The following PDE3A variants were observed in gnomAD, a reference collection of about 807,000 sequenced individuals.
PDE3A encodes phosphodiesterase 3A.
PDE3A carries 43 observed loss-of-function variants against 98.3 expected under a neutral mutation model. The observed-to-expected ratio is 0.44, with a 90% confidence interval of 0.34 to 0.56. The LOEUF (loss-of-function observed/expected upper bound fraction) is 0.56, where lower values mean the gene tolerates loss of function less well. PDE3A is among the 20% of genes least tolerant of loss of function. The pLI, the probability that PDE3A is intolerant of heterozygous loss-of-function variation, is 0.01. For synonymous variants in PDE3A, 663 were observed against 567.9 expected, an observed-to-expected ratio of 1.17 and a Z score of -2.38; for missense variants, 1,427 against 1,440.7, an observed-to-expected ratio of 0.99 and a Z score of 0.15.
intron 1 of PDE3A, among the ~76,000 whole-genome samples, chr12:20,487,399 C>T (rs996341110): frequency 2.0e-5 from 3 of 148,546 alleles, no homozygotes; most frequent in African/African-American, 7.5e-5. Flanking sequence ...CACGGTGGCT[C>T]ATGCCTGTAA....
At chr12:20,613,790 C>G (rs1943930926) in intron 3 of PDE3A, 90 bp downstream of exon 3, 2 of 950,224 alleles carry the variant, frequency 2.1e-6, no homozygotes, top group African/African-American at 1.6e-5. Flanking sequence ...ACTCCATCTG[C>G]AGATTCATAT....
intron 1 of PDE3A, among the ~76,000 whole-genome samples, chr12:20,386,159 A>G: frequency 1.0e-5 from 1 of 100,238 alleles, no homozygotes; most frequent in African/African-American, 3.9e-5. Context: ...ATATAAATAT[A>G]TATAAATATA....
intron 1 of PDE3A, among the ~76,000 whole-genome samples, chr12:20,372,774 T>C (rs891697685): frequency 3.9e-5 from 6 of 152,162 alleles, no homozygotes; most frequent in African/African-American, 1.4e-4. Context: ...ACAATACTCA[T>C]AGGCAACAAG....
chr12:20,667,384 T>G (rs1225776778), intron 15 of PDE3A, among the ~76,000 whole-genome samples: 1 of 152,218 alleles, frequency 6.6e-6, no homozygotes, highest in South Asian at 2.1e-4. Flanking sequence ...CCTTATGTTG[T>G]CTTCTAACAG....
intron 1 of PDE3A, chr12:20,551,661 C>G: frequency 6.2e-7 from 1 of 1,601,260 alleles, no homozygotes; most frequent in Non-Finnish European, 8.5e-7. Context: ...ACATCTACTG[C>G]CTGGACCCGC....
rs2120506679 is a variant in PDE3A, at chr12:20,681,751, T to C, written c.*1480T>C. On this transcript the variant is annotated 3_prime_UTR_variant, in exon 16 of 16. Coordinates refer to ENST00000359062, the MANE Select transcript of PDE3A (RefSeq NM_000921.5). ...TTTGTTTGTTTTGTTTTGGTTTGTT[T>C]GTTTATCTACACTTGTTTATGCTGT... is the stretch of plus-strand genomic sequence containing the variant. 1 of 152,244 alleles carries C rather than the reference T, an allele frequency of 6.6e-6. No individual in the cohort carries two copies. The highest frequency in any genetic ancestry group is 2.4e-5 in the African/African-American group (1 of 41,532). 9.4% of individuals were successfully genotyped at this position (152,244 alleles called of 1,614,324 possible).
intron 1 of PDE3A, among the ~76,000 whole-genome samples, chr12:20,495,362 C>G (rs1945901504): frequency 6.6e-6 from 1 of 152,052 alleles, no homozygotes; most frequent in Non-Finnish European, 1.5e-5. Context: ...TTTGTGACCA[C>G]AAGCTCAGTG....
At chr12:20,545,615 G>A (rs529294302) in intron 1 of PDE3A, among the ~76,000 whole-genome samples, 72 of 151,986 alleles carry the variant, frequency 4.7e-4, no homozygotes, top group African/African-American at 1.7e-3. Context: ...TAATTTGTCT[G>A]AAGGTTTACG....
intron 1 of PDE3A, among the ~76,000 whole-genome samples, chr12:20,544,494 C>T (rs1048143809): frequency 1.3e-5 from 2 of 151,608 alleles, no homozygotes; most frequent in African/African-American, 4.8e-5. Flanking sequence ...AGAAATAAAC[C>T]CATCATATTA....
At chr12:20,676,307 A>C (rs1945637653) in intron 15 of PDE3A, among the ~76,000 whole-genome samples, 1 of 151,842 alleles carries the variant, frequency 6.6e-6, no homozygotes. Context: ...AAAAGACTTT[A>C]TTTTTCCTTC....
At chr12:20,638,395 G>T (rs1194460338) in intron 9 of PDE3A, among the ~76,000 whole-genome samples, 1 of 152,058 alleles carries the variant, frequency 6.6e-6, no homozygotes, top group Non-Finnish European at 1.5e-5. Context: ...TTCAATTATT[G>T]CCTCTGCTAG....
chr12:20,517,666 C>T (rs926015655), intron 1 of PDE3A, among the ~76,000 whole-genome samples: 2 of 152,082 alleles, frequency 1.3e-5, no homozygotes, highest in African/African-American at 2.4e-5. Flanking sequence ...GAAGTGGGAT[C>T]CCTGGGTTTG....
chr12:20,447,921 T>C (rs1330896003), intron 1 of PDE3A, among the ~76,000 whole-genome samples: 4 of 152,142 alleles, frequency 2.6e-5, no homozygotes, highest in Non-Finnish European at 5.9e-5. Flanking sequence ...TAGGATTGAA[T>C]TGAATTAGAC....
rs997397216 is a variant in PDE3A, at chr12:20,597,049, G to A, written c.1012-16394G>A. 2.6e-5 allele frequency among the ~76,000 whole-genome samples: 4 copies of A among 152,058 alleles called. No individual in the cohort carries two copies. The South Asian group carries it at 6.2e-4, about 24-fold the overall frequency. On this transcript the variant is annotated intron_variant, in intron 2 of 15. Transcript: ENST00000359062. The stretch of plus-strand genomic sequence containing the variant: ...TGCAGCTTAAGATCTTTGTAACCTT[G>A]GGCAAATTACATAACCTTTTGTGTG...
Position 20,404,723 on chromosome 12 carries a change from A to G in PDE3A, c.960+34479A>G, listed in dbSNP as rs114016328. On this transcript the variant is annotated intron_variant, in intron 1 of 15. Transcript: ENST00000359062. ...TCTTTGACCTCAGACCACCTTATTT[A>G]TATATGTCTAAATTATTTCCTTTCC... Among the ~76,000 whole-genome samples, 165 of 151,120 alleles carry G rather than the reference A, an allele frequency of 1.1e-3. 1 individual carries two copies. The highest frequency in any genetic ancestry group is 3.9e-3 in the African/African-American group (160 of 41,138).
intron 2 of PDE3A, among the ~76,000 whole-genome samples, chr12:20,604,249 A>G (rs998593044): frequency 2.0e-5 from 3 of 151,974 alleles, no homozygotes; most frequent in Non-Finnish European, 4.4e-5. Context: ...GATAAAATGA[A>G]TTTACTTTTT....
At chr12:20,475,718 TAC>T (rs79608583) in intron 1 of PDE3A, among the ~76,000 whole-genome samples, 3 of 150,654 alleles carry the variant, frequency 2.0e-5, no homozygotes, top group Admixed American at 6.6e-5. Flanking sequence ...TGACACACCA[TAC>T]ACACACACAC....
intron 12 of PDE3A, among the ~76,000 whole-genome samples, chr12:20,647,277 C>T (rs1309349702): frequency 6.6e-6 from 1 of 152,058 alleles, no homozygotes; most frequent in Non-Finnish European, 1.5e-5. Flanking sequence ...GATTAGAGAA[C>T]CAAGCATTTC....
intron 1 of PDE3A, among the ~76,000 whole-genome samples, chr12:20,487,554 G>A (rs1437677259): frequency 5.4e-5 from 8 of 149,434 alleles, no homozygotes; most frequent in African/African-American, 2.0e-4. Flanking sequence ...TTGGGAGGCT[G>A]AGGTGGGGGA....
Sources: gnomAD v4.1 joint callset for allele counts (sites outside exome capture counted in the v4.1 genomes callset) on GRCh38, gnomAD v4.1.1 for gene constraint, MANE v1.5 for transcripts, NCBI Gene and HGNC (gene_info 2026-07-23, HGNC 2026-07-21) for gene names.